Variants in USP34 observed in about 807,000 individuals in gnomAD.
USP34 encodes the protein ubiquitin carboxyl-terminal hydrolase 34.
A neutral mutation model predicts 460.3 loss-of-function variants in USP34; 70 were observed. The ratio of observed to expected loss-of-function variants is 0.15; its 90% CI spans 0.13 to 0.19. The LOEUF (loss-of-function observed/expected upper bound fraction) is 0.19, where lower values mean the gene tolerates loss of function less well. Ranked by LOEUF, USP34 falls within the 10% of genes least tolerant of loss-of-function variation. The pLI is 1.00. For synonymous variants in USP34, 1,647 were observed against 1,405.3 expected (o/e 1.17, Z -3.85); for missense variants, 3,985 against 4,236.2 (o/e 0.94, Z 1.65).
At chr2:61,203,062 A>G (rs1332914418) in intron 75 of USP34, 78 bp downstream of exon 75, 14 of 1,340,990 alleles carry the variant, frequency 1.0e-5, no homozygotes, top group Non-Finnish European at 1.2e-5. Flanking sequence ...GGATTGTCTC[A>G]TAATTTTTCT....
chr2:61,461,361 C>G (rs931212084), intron 1 of USP34, among the ~76,000 whole-genome samples: 6 of 151,386 alleles, frequency 4.0e-5, no homozygotes, highest in African/African-American at 1.5e-4. Context: ...CCATTGCACT[C>G]CACCCTAGTG....
intron 33 of USP34, among the ~76,000 whole-genome samples, chr2:61,289,839 G>A (rs1335408338): frequency 6.6e-6 from 1 of 152,056 alleles, no homozygotes; most frequent in African/African-American, 2.4e-5. Context: ...CTTACAGAAA[G>A]CAGAGGAGAA....
intron 21 of USP34, among the ~76,000 whole-genome samples, chr2:61,321,420 A>G (rs568704541): frequency 6.6e-6 from 1 of 152,146 alleles, no homozygotes; most frequent in Admixed American, 6.5e-5. Context: ...GCAGTGAGCC[A>G]AGATTTGCGC....
At position 61,420,675 on chromosome 2, in the gene USP34, G is replaced by A. The variant is rs1048093273; in HGVS notation, c.131+71C>T. The A allele has an allele frequency of 3.3e-5, 36 of 1,100,972 alleles. 1 individual carries two copies. The highest frequency in any genetic ancestry group is 4.6e-5 in the Non-Finnish European group (35 of 764,508). The allele number at this position is 1,100,972 out of a possible 1,614,324, so 68.2% of individuals were successfully genotyped here. ...TAACCCAACACCCTAAAAAGAAAATGTGACAATAAAAATCGCAACTTATAA... is the reference window on the plus strand; with the variant it reads ...TAACCCAACACCCTAAAAAGAAAATATGACAATAAAAATCGCAACTTATAA... On this transcript the variant is annotated intron_variant, in intron 2 of 79. Coordinates refer to ENST00000398571, the MANE Select transcript of USP34 (RefSeq NM_014709.4).
At chr2:61,469,820 A>G (rs545378306) in intron 1 of USP34, among the ~76,000 whole-genome samples, 21 of 152,324 alleles carry the variant, frequency 1.4e-4, no homozygotes, top group South Asian at 6.2e-4. Context: ...GATTTGCAAT[A>G]TATCTTCTAT....
chr2:61,282,297 A>C (rs1689558767), intron 37 of USP34, among the ~76,000 whole-genome samples: 1 of 152,206 alleles, frequency 6.6e-6, no homozygotes, highest in Admixed American at 6.5e-5. Flanking sequence ...ATATTATTAG[A>C]CAACGCAGGT....
intron 20 of USP34, among the ~76,000 whole-genome samples, chr2:61,328,624 A>G (rs549551236): frequency 1.3e-5 from 2 of 152,302 alleles, no homozygotes; most frequent in South Asian, 4.1e-4. Flanking sequence ...GAAAGGTTGG[A>G]AAGATTATTC....
chr2:61,371,302 G>A (rs1311797888), intron 8 of USP34, among the ~76,000 whole-genome samples: 2 of 152,012 alleles, frequency 1.3e-5, no homozygotes, highest in Non-Finnish European at 2.9e-5. Context: ...TGTACATACA[G>A]TATATAATAC....
intron 15 of USP34, among the ~76,000 whole-genome samples, chr2:61,346,083 C>G (rs975003797): frequency 6.6e-6 from 1 of 151,952 alleles, no homozygotes; most frequent in Non-Finnish European, 1.5e-5. Flanking sequence ...GTAAAATTTC[C>G]CTTTCTTAAT....
At chr2:61,247,145 ACT>A (rs1309484080) in intron 49 of USP34, among the ~76,000 whole-genome samples, 1 of 152,216 alleles carries the variant, frequency 6.6e-6, no homozygotes, top group Non-Finnish European at 1.5e-5. Context: ...AATAAAAGAT[ACT>A]GAGGAAAAAA....
At chr2:61,294,875 T>A in intron 32 of USP34, 74 bp downstream of exon 32, 1 of 1,203,216 alleles carries the variant, frequency 8.3e-7, no homozygotes, top group Non-Finnish European at 1.2e-6. Flanking sequence ...CAATGAAGAA[T>A]TATGGTACCC....
At chr2:61,264,670 C>T (rs1235739070) in intron 43 of USP34, among the ~76,000 whole-genome samples, 1 of 151,896 alleles carries the variant, frequency 6.6e-6, no homozygotes, top group Non-Finnish European at 1.5e-5. Context: ...AATCCAAGAG[C>T]AAGTATAAAG....
intron 41 of USP34, among the ~76,000 whole-genome samples, chr2:61,269,471 T>C (rs527403007): frequency 3.7e-4 from 57 of 152,102 alleles, no homozygotes; most frequent in African/African-American, 1.3e-3. Context: ...TTAAGAGAGA[T>C]GAATAAAAGT....
chr2:61,329,355 A>C (rs765767403), intron 20 of USP34, among the ~76,000 whole-genome samples: 6 of 152,060 alleles, frequency 3.9e-5, no homozygotes, highest in Non-Finnish European at 7.4e-5. Flanking sequence ...GCATAAATGT[A>C]ATGTTTGGAT....
At chr2:61,452,594 G>A (rs556378687) in intron 1 of USP34, among the ~76,000 whole-genome samples, 10 of 151,892 alleles carry the variant, frequency 6.6e-5, no homozygotes, top group African/African-American at 9.7e-5. Context: ...CAAAGTGCTG[G>A]CATTACAGGC....
At chr2:61,270,667 C>A (rs529136110) in intron 41 of USP34, among the ~76,000 whole-genome samples, 2 of 152,134 alleles carry the variant, frequency 1.3e-5, no homozygotes, top group African/African-American at 4.8e-5. Flanking sequence ...AACTCCTGAG[C>A]TCAAGCAATC....
In USP34 at chr2:61,188,716, A is replaced by G; in HGVS notation, c.10034-7T>C. On this transcript the variant is annotated splice_polypyrimidine_tract_variant and splice_region_variant and intron_variant, in intron 79 of 79. Transcript: ENST00000398571. ...GGAGTTGCTCCTTCATCATCTGTGA[A>G]AACACATGCCAAAAGGGAAACTTCT... The G allele has an allele frequency of 6.2e-7, 1 of 1,609,090 alleles. No individual in the cohort carries two copies. The highest frequency in any genetic ancestry group is 8.5e-7 in the Non-Finnish European group (1 of 1,177,678).
chr2:61,313,782 T>C (rs910971865), intron 25 of USP34, among the ~76,000 whole-genome samples: 1 of 152,128 alleles, frequency 6.6e-6, no homozygotes, highest in Non-Finnish European at 1.5e-5. Flanking sequence ...CATGGAAGCA[T>C]GTTATTTATA....
At position 61,262,128 on chromosome 2, in the gene USP34, TATATAG is replaced by T. The variant is rs1371384318; in HGVS notation, c.5779-2358_5779-2353del. On this transcript the variant is annotated intron_variant, in intron 43 of 79. Coordinates refer to ENST00000398571, the MANE Select transcript of USP34 (RefSeq NM_014709.4). ...AAAAAAAAAAAAAAATATATATATATATATAGATAGATAGATAGATAGATAGATATA... is the reference window on the plus strand; with the variant it reads ...AAAAAAAAAAAAAAATATATATATATATAGATAGATAGATAGATAGATATA... 4.8e-3 allele frequency among the ~76,000 whole-genome samples: 617 copies of T among 128,856 alleles called. 4 individuals are homozygous for T. The highest frequency in any genetic ancestry group is 7.1e-3 in the Non-Finnish European group (446 of 62,644). 84.5% of individuals were successfully genotyped at this position (128,856 alleles called of 152,430 possible).
Sources: allele counts gnomAD v4.1 joint callset (sites outside exome capture counted in the v4.1 genomes callset), GRCh38; gene constraint gnomAD v4.1.1; transcripts MANE v1.5; gene names NCBI Gene and HGNC (gene_info 2026-07-23, HGNC 2026-07-21).